The following RAI14 variants were observed in gnomAD, a reference collection of about 807,000 sequenced individuals.
RAI14 encodes retinoic acid induced 14, also known as ankycorbin.
A neutral mutation model predicts 115.4 loss-of-function variants in RAI14; 45 were observed. The observed-to-expected ratio is 0.39, with a 90% confidence interval of 0.31 to 0.50. The LOEUF is 0.50. Ranked by LOEUF, RAI14 falls within the 20% of genes least tolerant of loss-of-function variation. The pLI is 0.85. For missense variants in RAI14, 939 were observed against 1,131.2 expected (o/e 0.83, Z 2.44); for synonymous variants, 371 against 415.4 (o/e 0.89, Z 1.30).
In RAI14 at chr5:34,812,196, A is replaced by G; in HGVS notation, c.753A>G (p.Thr251=). The part of the protein sequence containing the change: ...ISQDADLKTP[T]KPKQHDQVSK... ...CCTCTATAGATTTAAAGACCCCAAC[A>G]AAACCAAAGCAGGTATTTATCTTTG... Residue 251 remains threonine, a synonymous_variant, in exon 10 of 18, where the codon ACA becomes ACG. Transcript: ENST00000265109. The G allele has an allele frequency of 6.3e-7, 1 of 1,583,394 alleles. No homozygotes were observed. Among genetic ancestry groups the G allele is most frequent in the Non-Finnish European group, 8.6e-7 (1 of 1,156,854 alleles).
intron 1 of RAI14, among the ~76,000 whole-genome samples, chr5:34,657,623 G>A (rs1378621790): frequency 6.6e-6 from 1 of 152,210 alleles, no homozygotes; most frequent in African/African-American, 2.4e-5. Flanking sequence ...GATCGGGGTG[G>A]GATTCCGTCT....
At chr5:34,771,052 T>G (rs1750089917) in intron 3 of RAI14, among the ~76,000 whole-genome samples, 1 of 152,152 alleles carries the variant, frequency 6.6e-6, no homozygotes, top group Non-Finnish European at 1.5e-5. Flanking sequence ...TCACAGTCAC[T>G]CCTTTCTTGG....
intron 1 of RAI14, among the ~76,000 whole-genome samples, chr5:34,673,530 C>T (rs1311556154): frequency 1.3e-5 from 2 of 152,196 alleles, no homozygotes; most frequent in Non-Finnish European, 2.9e-5. Flanking sequence ...AAGATCTAGG[C>T]ACCTCTTTTA....
chr5:34,698,313 C>G lies in RAI14; in HGVS notation c.36+11358C>G, dbSNP rs187020572. 4.9e-3 allele frequency among the ~76,000 whole-genome samples: 738 copies of G among 151,142 alleles called. 13 individuals carry two copies. The highest frequency in any genetic ancestry group is 4.0e-3 in the Non-Finnish European group (272 of 67,882). ...TCATGAGGATTAGGATAAAATCTGG[C>G]ACAAAGAAACTTCTCAATAAATGGC... is the stretch of plus-strand genomic sequence containing the variant. On this transcript the variant is annotated intron_variant, in intron 2 of 17. Transcript: ENST00000265109.
At position 34,823,800 on chromosome 5, in the gene RAI14, A is replaced by G. The variant is rs765173767; in HGVS notation, c.1958A>G (p.Lys653Arg). The change falls in exon 15 of 18, where the codon AAA becomes AGA. Residue 653 changes from lysine to arginine, a missense_variant. Transcript: ENST00000265109. The surrounding 1 kb of genome is among the most constrained non-coding windows in gnomAD (Gnocchi z 4.5). ...GTGAGCGAGCTGTCACAGCTGTACA[A>G]AGAAGCCCAGGCTGAGCTGGAGGAT... Reference protein sequence around the residue: ...KQVSELSQLYKEAQAELEDYR... With the variant: ...KQVSELSQLYREAQAELEDYR... 1.9e-6 allele frequency: 3 copies of G among 1,614,192 alleles called. No homozygotes were observed.
At chr5:34,708,430 G>A (rs909752119) in intron 2 of RAI14, among the ~76,000 whole-genome samples, 2 of 152,086 alleles carry the variant, frequency 1.3e-5, no homozygotes, top group African/African-American at 4.8e-5. Flanking sequence ...TCAAACTCCC[G>A]ATCTCAGGTG....
chr5:34,760,313 C>T (rs1013137363), intron 3 of RAI14, among the ~76,000 whole-genome samples: 9 of 152,214 alleles, frequency 5.9e-5, no homozygotes, highest in Admixed American at 5.2e-4. Flanking sequence ...TCCAAAAGTG[C>T]TGGGATTACA....
At chr5:34,672,881 T>C (rs1743717142) in intron 1 of RAI14, among the ~76,000 whole-genome samples, 1 of 151,558 alleles carries the variant, frequency 6.6e-6, no homozygotes, top group Non-Finnish European at 1.5e-5. Context: ...CCTTCTCACA[T>C]TGTTTCTGCC....
At chr5:34,722,857 G>A (rs1742951651) in intron 2 of RAI14, among the ~76,000 whole-genome samples, 1 of 151,758 alleles carries the variant, frequency 6.6e-6, no homozygotes, top group Non-Finnish European at 1.5e-5. Flanking sequence ...ATCACTGGAG[G>A]TCAGGAATTT....
intron 1 of RAI14, among the ~76,000 whole-genome samples, chr5:34,672,924 T>G (rs1743720433): frequency 6.6e-6 from 1 of 152,018 alleles, no homozygotes; most frequent in Admixed American, 6.6e-5. Context: ...CTATTCCTCC[T>G]TAGCCTGTAC....
intron 3 of RAI14, among the ~76,000 whole-genome samples, chr5:34,787,314 G>A (rs1752416254): frequency 6.6e-6 from 1 of 152,144 alleles, no homozygotes. Context: ...TGAATGGTGG[G>A]GCATGATAGT....
intron 3 of RAI14, among the ~76,000 whole-genome samples, chr5:34,786,317 T>G (rs1429931999): frequency 4.6e-5 from 7 of 152,196 alleles, no homozygotes; most frequent in Non-Finnish European, 8.8e-5. Context: ...GAGCAGTCGC[T>G]CAAGGTGCTG....
intron 2 of RAI14, among the ~76,000 whole-genome samples, chr5:34,751,808 C>T (rs183113741): frequency 6.6e-5 from 10 of 152,314 alleles, no homozygotes; most frequent in African/African-American, 1.7e-4. Flanking sequence ...AAACAAAATA[C>T]CTAGTTCTAC....
chr5:34,827,053 G>A lies in RAI14; in HGVS notation c.2799+574G>A, dbSNP rs1277228307. ...TTCACTGGACTAACTTCAAGTTGTT[G>A]GCAGGGCTGGTTCCTCCTCGAGACC... On this transcript the variant is annotated intron_variant, in intron 16 of 17. Transcript: ENST00000265109. The surrounding 1 kb of genome is among the most constrained non-coding windows in gnomAD (Gnocchi z 4.2). Among the ~76,000 whole-genome samples the A allele has an allele frequency of 1.3e-5, 2 of 152,152 alleles. No homozygotes were observed. The highest frequency in any genetic ancestry group is 2.4e-5 in the African/African-American group (1 of 41,430).
At chr5:34,665,198 T>TATATATATATATATATATATATACAC (rs369742853) in intron 1 of RAI14, among the ~76,000 whole-genome samples, 1 of 75,718 alleles carries the variant, frequency 1.3e-5, no homozygotes, top group African/African-American at 5.0e-5. Context: ...TGTATATATA[T>TATATATATATATATATATATATACAC]ACACACACCA....
chr5:34,717,900 C>T (rs1742186122), intron 2 of RAI14, among the ~76,000 whole-genome samples: 1 of 151,314 alleles, frequency 6.6e-6, no homozygotes, highest in South Asian at 2.1e-4. Flanking sequence ...TGAAGTTGTT[C>T]CCAAGCCTGT....
At chr5:34,811,211 G>T (rs1755544485) in intron 8 of RAI14, 93 bp downstream of exon 8, 1 of 1,380,250 alleles carries the variant, frequency 7.2e-7, no homozygotes, top group Non-Finnish European at 1.0e-6. Context: ...TGGATCATTT[G>T]TTATAAGGGA....
At chr5:34,784,804 G>C (rs1164937876) in intron 3 of RAI14, among the ~76,000 whole-genome samples, 1 of 152,186 alleles carries the variant, frequency 6.6e-6, no homozygotes, top group Non-Finnish European at 1.5e-5. Context: ...ATTGCCAAGG[G>C]CTAGTGAGAC....
chr5:34,811,101 C>T lies in RAI14; in HGVS notation c.540C>T (p.Ser180=), dbSNP rs1422988357. The change falls in exon 8 of 18, where the codon TCC becomes TCT. Residue 180 remains serine (S), a synonymous_variant. Transcript: ENST00000265109. ...FLLDHGADVN[S]RNKSGRTALM... Reference sequence around the variant, plus strand: ...TGGATCATGGAGCAGATGTCAATTCCAGGAACAAAAGTGGAAGGTACTCCA... The same window carrying T: ...TGGATCATGGAGCAGATGTCAATTCTAGGAACAAAAGTGGAAGGTACTCCA... 2 of 1,613,982 alleles carry T rather than the reference C, an allele frequency of 1.2e-6. No homozygotes were observed. The highest frequency in any genetic ancestry group is 1.7e-5 in the Admixed American group (1 of 59,992).
Sources: allele counts gnomAD v4.1 joint callset (sites outside exome capture counted in the v4.1 genomes callset), GRCh38; gene constraint gnomAD v4.1.1; non-coding constraint Gnocchi (gnomAD v3.1); transcripts MANE v1.5; gene names NCBI Gene and HGNC (gene_info 2026-07-23, HGNC 2026-07-21).